KCNH7: variants seen among roughly 807,000 people sequenced by gnomAD.
KCNH7 encodes the protein voltage-gated inwardly rectifying potassium channel KCNH7.
A neutral mutation model predicts 120.8 loss-of-function variants in KCNH7; 49 were observed. The ratio of observed to expected loss-of-function variants is 0.41; its 90% CI spans 0.32 to 0.51. KCNH7 has a LOEUF of 0.51. Among genes scored for constraint, KCNH7 ranks in the 20% least tolerant of loss-of-function variants. The probability of loss-of-function intolerance (pLI) is 0.38; values close to 1 mark genes in which losing one functional copy is unlikely to be tolerated. For missense variants in KCNH7, 1,097 were observed against 1,446.6 expected, an observed-to-expected ratio of 0.76 and a Z score of 3.92; for synonymous variants, 547 against 516.1, an observed-to-expected ratio of 1.06 and a Z score of -0.81.
intron 2 of KCNH7, among the ~76,000 whole-genome samples, chr2:162,708,973 C>T (rs910855486): frequency 6.6e-6 from 1 of 151,970 alleles, no homozygotes. Context: ...CTTGTTAGTG[C>T]TACTATTTAA....
At chr2:162,752,978 G>GAAAAGAAAAGAAAAGAAAAGAA (rs1688642304) in intron 2 of KCNH7, among the ~76,000 whole-genome samples, 1 of 114,548 alleles carries the variant, frequency 8.7e-6, no homozygotes, top group Non-Finnish European at 1.5e-5. Context: ...GAAAAGAAAA[G>GAAAAGAAAAGAAAAGAAAAGAA]AAAAGAAAAG....
intron 2 of KCNH7, among the ~76,000 whole-genome samples, chr2:162,816,257 CAAAAAAA>C (rs10599191): frequency 3.3e-5 from 2 of 59,988 alleles, no homozygotes; most frequent in Non-Finnish European, 5.9e-5. Context: ...AACTCCATCT[CAAAAAAA>C]AAAAAAAAAA....
At chr2:162,588,887 A>G (rs1423411491) in intron 2 of KCNH7, among the ~76,000 whole-genome samples, 1 of 151,930 alleles carries the variant, frequency 6.6e-6, no homozygotes, top group Non-Finnish European at 1.5e-5. Flanking sequence ...ATTGTCATTA[A>G]CCCACCTACC....
At chr2:162,498,705 C>T (rs1400144444) in intron 6 of KCNH7, among the ~76,000 whole-genome samples, 1 of 152,030 alleles carries the variant, frequency 6.6e-6, no homozygotes, top group African/African-American at 2.4e-5. Flanking sequence ...TAAGAGTCTT[C>T]TTTTTCTGGG....
At chr2:162,515,201 AT>A (rs149455851) in intron 4 of KCNH7, among the ~76,000 whole-genome samples, 5,375 of 151,322 alleles carry the variant, frequency 0.036, 404 homozygotes, top group Admixed American at 0.18. Flanking sequence ...TAAGAAAGTA[AT>A]TTTTTTTTAT....
chr2:162,533,604 CTAA>C (rs1692008144), intron 3 of KCNH7, among the ~76,000 whole-genome samples: 1 of 151,408 alleles, frequency 6.6e-6, no homozygotes, highest in Non-Finnish European at 1.5e-5. Flanking sequence ...CTAATTTATA[CTAA>C]TAACAAAATA....
intron 2 of KCNH7, among the ~76,000 whole-genome samples, chr2:162,629,353 C>T (rs1279658312): frequency 6.6e-6 from 1 of 152,064 alleles, no homozygotes; most frequent in Non-Finnish European, 1.5e-5. Context: ...CTTCCCCCAC[C>T]ATCGCTGTCA....
intron 2 of KCNH7, among the ~76,000 whole-genome samples, chr2:162,555,442 A>G (rs760866630): frequency 1.3e-5 from 2 of 152,128 alleles, no homozygotes; most frequent in Non-Finnish European, 2.9e-5. Context: ...GGTCATTTCA[A>G]TTTTCATGTG....
intron 2 of KCNH7, among the ~76,000 whole-genome samples, chr2:162,690,575 C>T (rs1209789190): frequency 6.6e-6 from 1 of 151,998 alleles, no homozygotes; most frequent in Non-Finnish European, 1.5e-5. Flanking sequence ...TTAAAAAATA[C>T]TTGAGGAGAG....
intron 2 of KCNH7, among the ~76,000 whole-genome samples, chr2:162,798,693 T>C (rs943596131): frequency 6.6e-6 from 1 of 152,058 alleles, no homozygotes. Flanking sequence ...CCTTTCAAAA[T>C]GTTTTTTAAA....
intron 6 of KCNH7, among the ~76,000 whole-genome samples, chr2:162,478,170 C>T (rs1689810394): frequency 6.6e-6 from 1 of 152,114 alleles, no homozygotes; most frequent in Admixed American, 6.6e-5. Context: ...TAGACCGGGC[C>T]TTGGAAAGGT....
chr2:162,418,310 A>C (rs1404645025), intron 9 of KCNH7, among the ~76,000 whole-genome samples: 1 of 152,160 alleles, frequency 6.6e-6, no homozygotes, highest in Non-Finnish European at 1.5e-5. Flanking sequence ...ATATGAGGGC[A>C]TCATATTTCT....
intron 4 of KCNH7, among the ~76,000 whole-genome samples, chr2:162,517,521 T>C (rs1482388824): frequency 6.6e-6 from 1 of 151,712 alleles, no homozygotes; most frequent in Non-Finnish European, 1.5e-5. Flanking sequence ...GAAATACAGA[T>C]AAAGAAGCCA....
At chr2:162,684,952 C>T (rs949950552) in intron 2 of KCNH7, among the ~76,000 whole-genome samples, 15 of 152,094 alleles carry the variant, frequency 9.9e-5, no homozygotes, top group Admixed American at 7.2e-4. Flanking sequence ...CCAACCCAAA[C>T]GCCCATCAGT....
At chr2:162,406,231 C>T (rs763758655) in intron 9 of KCNH7, among the ~76,000 whole-genome samples, 2 of 151,854 alleles carry the variant, frequency 1.3e-5, no homozygotes, top group African/African-American at 2.4e-5. Flanking sequence ...GAACAAGTCT[C>T]TCCAGGCTCC....
At chr2:162,829,062 A>T (rs1318195026) in intron 2 of KCNH7, among the ~76,000 whole-genome samples, 1 of 152,092 alleles carries the variant, frequency 6.6e-6, no homozygotes, top group Non-Finnish European at 1.5e-5. Flanking sequence ...TTAAAGGAGG[A>T]TGAGGCAGAG....
chr2:162,429,857 T>A (rs1688007699), intron 8 of KCNH7, among the ~76,000 whole-genome samples: 1 of 151,858 alleles, frequency 6.6e-6, no homozygotes. Context: ...AGTTAAAAAT[T>A]TCTATCATTA....
rs185245753 is a variant in KCNH7, at chr2:162,802,681, A to G, written c.307+33856T>C. ...TATCTAATCCAATAAACCCACAAGA[A>G]TAACATTGCAACATGTAACAATATA... is the stretch of plus-strand genomic sequence containing the variant. On this transcript the variant is annotated intron_variant, in intron 2 of 15. Coordinates refer to ENST00000332142, the MANE Select transcript of KCNH7 (RefSeq NM_033272.4). 6.0e-3 allele frequency among the ~76,000 whole-genome samples: 907 copies of G among 151,952 alleles called. 9 individuals carry two copies. The highest frequency in any genetic ancestry group is 0.021 in the African/African-American group (865 of 41,550).
At chr2:162,735,237 G>C (rs1687860187) in intron 2 of KCNH7, among the ~76,000 whole-genome samples, 1 of 152,112 alleles carries the variant, frequency 6.6e-6, no homozygotes, top group African/African-American at 2.4e-5. Context: ...CTAGTATGAA[G>C]GCCAAGAAAG....
Sources: allele counts gnomAD v4.1 joint callset (sites outside exome capture counted in the v4.1 genomes callset), GRCh38; gene constraint gnomAD v4.1.1; transcripts MANE v1.5; gene names NCBI Gene and HGNC (gene_info 2026-07-23, HGNC 2026-07-21).